Variants in GAS2 observed in about 807,000 individuals in gnomAD.
The protein encoded by GAS2 is growth arrest-specific protein 2.
A neutral mutation model predicts 37.5 loss-of-function variants in GAS2; 20 were observed. That is an observed-to-expected ratio of 0.53 (90% CI 0.37 to 0.77). The LOEUF (loss-of-function observed/expected upper bound fraction) is 0.77, where lower values mean the gene tolerates loss of function less well. Ranked by LOEUF, GAS2 falls within the 30% of genes least tolerant of loss-of-function variation. The pLI is 0.00. For synonymous variants in GAS2, 144 were observed against 132.2 expected (o/e 1.09, Z -0.61); for missense variants, 336 against 373.4 (o/e 0.90, Z 0.82).
intron 7 of GAS2, among the ~76,000 whole-genome samples, chr11:22,808,357 T>C (rs932762506): frequency 2.0e-5 from 3 of 152,216 alleles, no homozygotes; most frequent in African/African-American, 7.2e-5. Context: ...CCTCCCCTAT[T>C]GACTGTGGTA....
At chr11:22,712,438 C>A (rs1191937035) in intron 3 of GAS2, among the ~76,000 whole-genome samples, 1 of 152,118 alleles carries the variant, frequency 6.6e-6, no homozygotes, top group Non-Finnish European at 1.5e-5. Flanking sequence ...TGGCTAGATC[C>A]AGAAGGGTAA....
At chr11:22,652,345 A>G (rs542786751) in intron 1 of GAS2, among the ~76,000 whole-genome samples, 1 of 152,292 alleles carries the variant, frequency 6.6e-6, no homozygotes, top group Non-Finnish European at 1.5e-5. Flanking sequence ...AGGGCCATTT[A>G]AGTCTGCAGA....
At chr11:22,704,447 T>A (rs540634025) in intron 3 of GAS2, among the ~76,000 whole-genome samples, 1 of 151,400 alleles carries the variant, frequency 6.6e-6, no homozygotes, top group East Asian at 1.9e-4. Context: ...GTAAACCCAG[T>A]GTTTCCAGAT....
At chr11:22,676,281 A>G (rs10741946) in intron 2 of GAS2, among the ~76,000 whole-genome samples, 94,970 of 151,912 alleles carry the variant, frequency 0.63, 30,888 homozygotes, top group East Asian at 0.82. Flanking sequence ...CCATCAAGGA[A>G]AGGGAGTTAT....
chr11:22,628,955 A>G (rs1048628428), intron 1 of GAS2, among the ~76,000 whole-genome samples: 1 of 152,086 alleles, frequency 6.6e-6, no homozygotes, highest in Non-Finnish European at 1.5e-5. Flanking sequence ...TGGCTGCAAA[A>G]TATATTATTT....
chr11:22,718,382 A>T (rs552663433), intron 3 of GAS2, among the ~76,000 whole-genome samples: 2 of 152,230 alleles, frequency 1.3e-5, no homozygotes, highest in South Asian at 4.1e-4. Context: ...ATAGAGTTCG[A>T]GACCATTATT....
intron 7 of GAS2, among the ~76,000 whole-genome samples, chr11:22,798,637 T>C (rs1856534015): frequency 6.6e-6 from 1 of 152,126 alleles, no homozygotes; most frequent in Non-Finnish European, 1.5e-5. Flanking sequence ...GCTTGTTTAT[T>C]TGGGCTGTGA....
chr11:22,650,067 T>TTCCC (rs1277945311), intron 1 of GAS2, among the ~76,000 whole-genome samples: 5 of 152,078 alleles, frequency 3.3e-5, no homozygotes, highest in African/African-American at 4.8e-5. Context: ...TGCTATAAAT[T>TTCCC]TCCCTCTACA....
chr11:22,738,094 T>C (rs920486580), intron 5 of GAS2, among the ~76,000 whole-genome samples: 3 of 152,118 alleles, frequency 2.0e-5, no homozygotes, highest in African/African-American at 7.2e-5. Flanking sequence ...GGAAAGTCTA[T>C]TCCCATATTC....
rs549990369 is a variant in GAS2 at position 22,627,185 on chromosome 11, C to A, written c.-21+1372C>A. ...TAAGGATACTATGAATCTTAAAATT[C>A]TTTTTCTTGGCTACTACAAACTTAG... On this transcript the variant is annotated intron_variant, in intron 1 of 5. Transcript: ENST00000528582. 3.3e-5 allele frequency among the ~76,000 whole-genome samples: 5 copies of A among 152,298 alleles called. No homozygotes were observed. The East Asian group carries it at 5.8e-4, about 18-fold the overall frequency.
At position 22,646,079 on chromosome 11, in the gene GAS2, G is replaced by C. The variant is rs539094143; in HGVS notation, c.-21+20266G>C. On this transcript the variant is annotated intron_variant, in intron 1 of 5. Coordinates refer to the GAS2 transcript ENST00000528582. ...GCTGGTCTCGAACTCCTGACCTCAG[G>C]TAATCCAACTGTCTCGGCCTCCTGA... Among the ~76,000 whole-genome samples, 5 of 152,148 alleles carry C rather than the reference G, an allele frequency of 3.3e-5. 1 individual carries two copies. The highest frequency in any genetic ancestry group is 1.2e-4 in the African/African-American group (5 of 41,534).
intron 3 of GAS2, among the ~76,000 whole-genome samples, chr11:22,692,364 T>C (rs566879373): frequency 4.6e-5 from 7 of 152,300 alleles, no homozygotes; most frequent in East Asian, 3.9e-4. Flanking sequence ...GCGCCCATGA[T>C]ACAGCCTCAG....
At chr11:22,709,812 C>T (rs1851306473) in intron 3 of GAS2, among the ~76,000 whole-genome samples, 1 of 152,060 alleles carries the variant, frequency 6.6e-6, no homozygotes, top group African/African-American at 2.4e-5. Context: ...ACATATACAC[C>T]ATGGAATACT....
At chr11:22,777,640 A>G (rs1333995451) in intron 7 of GAS2, among the ~76,000 whole-genome samples, 1 of 152,200 alleles carries the variant, frequency 6.6e-6, no homozygotes, top group African/African-American at 2.4e-5. Flanking sequence ...GAATAGGAAG[A>G]ACTCAAGGGC....
chr11:22,790,247 T>C (rs1396681974), intron 7 of GAS2, among the ~76,000 whole-genome samples: 1 of 152,154 alleles, frequency 6.6e-6, no homozygotes, highest in African/African-American at 2.4e-5. Context: ...CAGTCAACCC[T>C]CTTTAGCCTG....
At chr11:22,647,213 A>G (rs1010222657) in intron 1 of GAS2, among the ~76,000 whole-genome samples, 5 of 151,388 alleles carry the variant, frequency 3.3e-5, no homozygotes, top group East Asian at 1.9e-4. Flanking sequence ...GAGAATGATG[A>G]TTTCCAATTT....
chr11:22,696,499 A>T (rs1347159785), intron 3 of GAS2, among the ~76,000 whole-genome samples: 1 of 151,962 alleles, frequency 6.6e-6, no homozygotes, highest in African/African-American at 2.4e-5. Context: ...CTAGTTCTAG[A>T]TCCCTGAGGA....
intron 3 of GAS2, among the ~76,000 whole-genome samples, chr11:22,717,064 C>T (rs567405580): frequency 1.1e-3 from 169 of 152,172 alleles, no homozygotes; most frequent in Middle Eastern, 6.8e-3. Context: ...TGAAGATGAC[C>T]ATACTTCCAA....
chr11:22,693,086 A>G lies in GAS2; in HGVS notation c.267+7297A>G, dbSNP rs142976767. On this transcript the variant is annotated intron_variant, in intron 3 of 7. Coordinates refer to ENST00000454584, the MANE Select transcript of GAS2 (RefSeq NM_001143830.3). Reference sequence around the variant, plus strand: ...GGTTTCCCTACTATTCCTGCTTTGCAGTATCAAATCTCCAATATCAAATAT... The same window carrying G: ...GGTTTCCCTACTATTCCTGCTTTGCGGTATCAAATCTCCAATATCAAATAT... Among the ~76,000 whole-genome samples, 45 of 152,270 alleles carry G rather than the reference A, an allele frequency of 3.0e-4. No homozygotes were observed. In the East Asian group the frequency reaches 6.9e-3, roughly 23 times the overall value.
Sources: gnomAD v4.1 joint callset for allele counts (sites outside exome capture counted in the v4.1 genomes callset) on GRCh38, gnomAD v4.1.1 for gene constraint, MANE v1.5 for transcripts, NCBI Gene and HGNC (gene_info 2026-07-23, HGNC 2026-07-21) for gene names.